RIN3: variants seen among roughly 807,000 people sequenced by gnomAD.
The protein encoded by RIN3 is RAB5 interacting protein 3.
In RIN3, 54 loss-of-function variants were observed where a neutral mutation model predicts 76.3. The observed-to-expected ratio is 0.71, with a 90% confidence interval of 0.57 to 0.89. The LOEUF (loss-of-function observed/expected upper bound fraction) is 0.89. Among genes scored for constraint, RIN3 ranks in the 40% least tolerant of loss-of-function variants. The pLI, the probability that RIN3 is intolerant of heterozygous loss-of-function variation, is 0.00. For synonymous variants in RIN3, 576 were observed against 564.0 expected (o/e 1.02, Z -0.30); for missense variants, 1,256 against 1,322.1 (o/e 0.95, Z 0.78).
intron 1 of RIN3, among the ~76,000 whole-genome samples, chr14:92,548,217 G>A (rs911416199): frequency 1.3e-5 from 2 of 152,090 alleles, no homozygotes; most frequent in Admixed American, 6.5e-5. Flanking sequence ...GCCAGGATAC[G>A]TAAACATGAA....
chr14:92,538,088 G>A (rs529755720), intron 1 of RIN3, among the ~76,000 whole-genome samples: 3 of 151,984 alleles, frequency 2.0e-5, no homozygotes, highest in East Asian at 1.9e-4. Context: ...GCCTCCCAAA[G>A]TGCTGGGATT....
In RIN3 at chr14:92,648,306, A is replaced by G. The variant is rs78492951; in HGVS notation, c.533-3276A>G. ...CTGTGTCCCAGGTACCCAGGCCGAG[A>G]GCCTATTTGCCTGAACCCGTGTCTG... On this transcript the variant is annotated intron_variant, in intron 5 of 9. Coordinates refer to ENST00000216487, the MANE Select transcript of RIN3 (RefSeq NM_024832.5). This position sits in a 1 kb window ranked among gnomAD's most constrained non-coding sequence, Gnocchi z 4.1. Among the ~76,000 whole-genome samples the G allele has an allele frequency of 0.022, 3,329 of 152,180 alleles. 123 individuals carry two copies. The highest frequency in any genetic ancestry group is 0.077 in the African/African-American group (3,189 of 41,500).
At chr14:92,584,648 G>T (rs1884700754) in intron 3 of RIN3, among the ~76,000 whole-genome samples, 1 of 152,164 alleles carries the variant, frequency 6.6e-6, no homozygotes. Context: ...AGGCATGGGG[G>T]CAGGGGATGT....
chr14:92,652,130 C>A lies in RIN3; in HGVS notation c.1081C>A (p.Pro361Thr), dbSNP rs1255588975. The change falls in exon 6 of 10, where the codon CCA becomes ACA. Residue 361 changes from proline to threonine, a missense_variant. Physicochemically the swap from Pro to Thr is conservative, Grantham distance 38. Coordinates refer to ENST00000216487, the MANE Select transcript of RIN3 (RefSeq NM_024832.5). The surrounding 1 kb of genome is among the most constrained non-coding windows in gnomAD (Gnocchi z 6.4). ...LGPLREEAMK[P>T]GAASSPLQQV... ...CCCCCTCAGGGAGGAAGCGATGAAG[C>A]CAGGGGCAGCCTCCAGTCCCTTGCA... 3 of 1,608,322 alleles carry A rather than the reference C, an allele frequency of 1.9e-6. No individual in the cohort carries two copies. The highest frequency in any genetic ancestry group is 1.7e-6 in the Non-Finnish European group (2 of 1,179,158).
chr14:92,666,046 C>CACTG (rs1430410910), intron 7 of RIN3, among the ~76,000 whole-genome samples: 2 of 151,594 alleles, frequency 1.3e-5, no homozygotes, highest in African/African-American at 4.8e-5. Flanking sequence ...CTACCTCCAC[C>CACTG]ACTGACCTAC....
chr14:92,607,203 A>G (rs79583904), intron 3 of RIN3, among the ~76,000 whole-genome samples: 2,161 of 152,354 alleles, frequency 0.014, 55 homozygotes, highest in African/African-American at 0.05. Context: ...CCACAATGAG[A>G]TATCACTCTT....
intron 7 of RIN3, chr14:92,659,686 G>A (rs1887809208): frequency 4.2e-6 from 2 of 478,002 alleles, no homozygotes; most frequent in Non-Finnish European, 7.3e-6. Context: ...TGTTGCCCTG[G>A]AGGCAAGCAA....
intron 3 of RIN3, among the ~76,000 whole-genome samples, chr14:92,588,701 A>G (rs1339191767): frequency 1.3e-5 from 2 of 152,186 alleles, no homozygotes; most frequent in Non-Finnish European, 2.9e-5. Context: ...TCATAGCAGC[A>G]TGAAAGGAGG....
chr14:92,667,877 G>T (rs1015135243), intron 7 of RIN3, among the ~76,000 whole-genome samples: 2 of 146,102 alleles, frequency 1.4e-5, no homozygotes, highest in Non-Finnish European at 3.0e-5. Flanking sequence ...GGAATGGGGG[G>T]GCATCTGAAA....
chr14:92,542,299 G>A (rs540945623), intron 1 of RIN3, among the ~76,000 whole-genome samples: 5 of 152,046 alleles, frequency 3.3e-5, no homozygotes, highest in Admixed American at 3.3e-4. Context: ...AAAAAAAAAG[G>A]CCAAAAATGA....
intron 1 of RIN3, among the ~76,000 whole-genome samples, chr14:92,540,213 G>A (rs1265747783): frequency 1.3e-5 from 2 of 152,220 alleles, no homozygotes; most frequent in African/African-American, 4.8e-5. Context: ...CAGCGCTTCC[G>A]AGGTCCGGAA....
chr14:92,631,762 A>C (rs1484940315), intron 4 of RIN3, among the ~76,000 whole-genome samples: 4 of 151,994 alleles, frequency 2.6e-5, no homozygotes, highest in African/African-American at 9.7e-5. Context: ...CACTACCCCC[A>C]GCTAATTTTT....
At chr14:92,567,299 G>A (rs1379357339) in intron 2 of RIN3, among the ~76,000 whole-genome samples, 3 of 152,350 alleles carry the variant, frequency 2.0e-5, no homozygotes, top group Non-Finnish European at 4.4e-5. Context: ...CCAACATTCA[G>A]TGGCTTTCAA....
At chr14:92,625,190 C>T (rs1886309926) in intron 4 of RIN3, among the ~76,000 whole-genome samples, 1 of 152,114 alleles carries the variant, frequency 6.6e-6, no homozygotes, top group African/African-American at 2.4e-5. Context: ...GGGGATAGGC[C>T]AACATCTGTT....
chr14:92,546,033 C>T (rs1897256626), intron 1 of RIN3, among the ~76,000 whole-genome samples: 1 of 151,968 alleles, frequency 6.6e-6, no homozygotes, highest in Non-Finnish European at 1.5e-5. Flanking sequence ...TTAAGCGATT[C>T]TCCTGCCTCA....
rs778686897 is a variant in RIN3 at position 92,676,534 on chromosome 14, A to T, written c.2395A>T (p.Asn799Tyr). ...PVLMYVLARS[N>Y]LTEMLLNVEY... ...GCTCATGTATGTGCTGGCCCGCAGC[A>T]ACCTCACGGAGATGCTTCTCAATGT... The change falls in exon 8 of 10, where the codon AAC (asparagine) becomes TAC (tyrosine). Residue 799 changes from asparagine (N) to tyrosine (Y), a missense_variant. Physicochemically the swap from Asn to Tyr is moderately radical, Grantham distance 143. Transcript: ENST00000216487. 6.2e-7 allele frequency: 1 copy of T among 1,614,154 alleles called. No individual in the cohort carries two copies. Among genetic ancestry groups the T allele is most frequent in the Non-Finnish European group, 8.5e-7 (1 of 1,180,014 alleles).
chr14:92,621,222 C>A (rs112146012), intron 4 of RIN3, among the ~76,000 whole-genome samples: 18,784 of 119,182 alleles, frequency 0.16, 1,441 homozygotes, highest in Middle Eastern at 0.26. Context: ...GGTGACAGAG[C>A]GAGACTCCGT....
In RIN3 at chr14:92,514,714, C is replaced by T. The variant is rs1566822391; in HGVS notation, c.44+738C>T. ...AAGTCCCCGCTCCGCCTCCTTGTCG[C>T]CCCCAGCCCCACCTCGCGAGCTCGG... On this transcript the variant is annotated intron_variant, in intron 1 of 9. Coordinates refer to ENST00000216487, the MANE Select transcript of RIN3 (RefSeq NM_024832.5). This position sits in a 1 kb window ranked among gnomAD's most constrained non-coding sequence, Gnocchi z 7.2. 6.6e-6 allele frequency among the ~76,000 whole-genome samples: 1 copy of T among 152,224 alleles called. No homozygotes were observed. The highest frequency in any genetic ancestry group is 1.5e-5 in the Non-Finnish European group (1 of 68,050).
At chr14:92,633,239 G>T (rs1410541395) in intron 4 of RIN3, among the ~76,000 whole-genome samples, 1 of 152,102 alleles carries the variant, frequency 6.6e-6, no homozygotes, top group African/African-American at 2.4e-5. Flanking sequence ...TATTTACTTG[G>T]TGCCAAGGTG....
Sources: gnomAD v4.1 joint callset for allele counts (sites outside exome capture counted in the v4.1 genomes callset) on GRCh38, gnomAD v4.1.1 for gene constraint, Gnocchi (gnomAD v3.1) non-coding constraint, MANE v1.5 for transcripts, NCBI Gene and HGNC (gene_info 2026-07-23, HGNC 2026-07-21) for gene names.